Variants in FZR1 observed in about 807,000 individuals in gnomAD.
FZR1 encodes fizzy-related protein homolog.
A neutral mutation model predicts 63.6 loss-of-function variants in FZR1; 11 were observed. The observed-to-expected ratio is 0.17, with a 90% CI of 0.11 to 0.29. The LOEUF (loss-of-function observed/expected upper bound fraction) is 0.29, where lower values mean the gene tolerates loss of function less well. FZR1 is among the 10% of genes least tolerant of loss of function. The pLI, the probability that FZR1 is intolerant of heterozygous loss-of-function variation, is 1.00. For missense variants in FZR1, 440 were observed against 687.5 expected (o/e 0.64, Z 4.03); for synonymous variants, 328 against 297.9 (o/e 1.10, Z -1.04).
chr19:3,535,900 G>T lies in FZR1; in HGVS notation c.*1064G>T. 6.6e-6 allele frequency: 1 copy of T among 152,494 alleles called. No individual in the cohort carries two copies. The allele number at this position is 152,494 out of a possible 1,614,324, so 9.4% of individuals were successfully genotyped here. On this transcript the variant is annotated 3_prime_UTR_variant, in exon 14 of 14. Transcript: ENST00000441788. ...CTCCATCCTTCGAGAAGCTTCCCAG[G>T]CTCCTCTGCTTCTCTGTCTCATGCT...
At chr19:3,522,899 G>C (rs933887260) in intron 1 of FZR1, 57 bp from the exon 2 acceptor site, 7 of 887,242 alleles carry the variant, frequency 7.9e-6, no homozygotes, top group Non-Finnish European at 1.2e-5. Flanking sequence ...GGCGAGCCCC[G>C]TGGTCTCCGG....
At position 3,535,085 on chromosome 19, in the gene FZR1, C is replaced by T. The variant is rs1006610417; in HGVS notation, c.*249C>T. 1.4e-5 allele frequency: 8 copies of T among 567,616 alleles called. No homozygotes were observed. The highest frequency in any genetic ancestry group is 9.4e-5 in the African/African-American group (5 of 53,014). 35.2% of individuals were successfully genotyped at this position (567,616 alleles called of 1,614,324 possible). ...GGGCTCTGTCTCCCTTCCCAAAGGGCGAGAACCACATTGGACGGTCCCGGC... is the reference window on the plus strand; with the variant it reads ...GGGCTCTGTCTCCCTTCCCAAAGGGTGAGAACCACATTGGACGGTCCCGGC... On this transcript the variant is annotated 3_prime_UTR_variant, in exon 14 of 14. Coordinates refer to ENST00000441788, the MANE Select transcript of FZR1 (RefSeq NM_016263.4).
rs1179835930 is a variant in FZR1 at position 3,525,847 on chromosome 19, C to T, written c.70-21C>T. 40 of 1,607,618 alleles carry T rather than the reference C, an allele frequency of 2.5e-5. No homozygotes were observed. The highest frequency in any genetic ancestry group is 3.4e-5 in the Non-Finnish European group (40 of 1,179,414). On this transcript the variant is annotated intron_variant, in intron 2 of 13. Coordinates refer to ENST00000441788, the MANE Select transcript of FZR1 (RefSeq NM_016263.4). This position sits in a 1 kb window ranked among gnomAD's most constrained non-coding sequence, Gnocchi z 4.2. ...GGGGGCTCTCGGTGCTGAGAGCAAG[C>T]CCTCTGCTGATGCCCTTCAGGTCAC...
At position 3,515,210 on chromosome 19, in the gene FZR1, G is replaced by T. The variant is rs2083050299; in HGVS notation, c.-34-7746G>T. On this transcript the variant is annotated intron_variant, in intron 1 of 13. Coordinates refer to ENST00000441788, the MANE Select transcript of FZR1 (RefSeq NM_016263.4). This position sits in a 1 kb window ranked among gnomAD's most constrained non-coding sequence, Gnocchi z 4.6. ...CTCACTGATTCACTGCTGATGTGCA[G>T]CGAGGGTCCGGGTTGCTGCTAAACT... is the stretch of plus-strand genomic sequence containing the variant. 6.6e-6 allele frequency among the ~76,000 whole-genome samples: 1 copy of T among 152,238 alleles called. No homozygotes were observed. The highest frequency in any genetic ancestry group is 1.5e-5 in the Non-Finnish European group (1 of 68,036).
At chr19:3,522,887 C>A in intron 1 of FZR1, 69 bp from the exon 2 acceptor site, 1 of 804,608 alleles carries the variant, frequency 1.2e-6, no homozygotes, top group African/African-American at 1.7e-5. Flanking sequence ...CCTGGAGGTG[C>A]AGGCGAGCCC....
chr19:3,533,201 T>G lies in FZR1; in HGVS notation c.1243-93T>G, dbSNP rs769670700. 251 of 793,154 alleles carry G rather than the reference T, an allele frequency of 3.2e-4. No homozygotes were observed. The highest frequency in any genetic ancestry group is 4.8e-4 in the Non-Finnish European group (217 of 456,556). The allele number at this position is 793,154 out of a possible 1,614,324, so 49.1% of individuals were successfully genotyped here. A position where few individuals can be genotyped will look rare whatever the true frequency, so the allele number is the denominator to read the frequency against. On this transcript the variant is annotated intron_variant, in intron 11 of 13. Coordinates refer to ENST00000441788, the MANE Select transcript of FZR1 (RefSeq NM_016263.4). This position sits in a 1 kb window ranked among gnomAD's most constrained non-coding sequence, Gnocchi z 4.9. Reference sequence around the variant, plus strand: ...TGGGCTGGCTGGCGGCTCTGAGCTCTCACATGGGCTCAGGCGGGTGCATGT... The same window carrying G: ...TGGGCTGGCTGGCGGCTCTGAGCTCGCACATGGGCTCAGGCGGGTGCATGT...
At position 3,525,409 on chromosome 19, in the gene FZR1, T is replaced by C. The variant is rs2083143707; in HGVS notation, c.70-459T>C. ...GACCATGAGTGACCACGAGTGACTG[T>C]GTGGCTCCCCTCCTTGGGTTTTCTT... On this transcript the variant is annotated intron_variant, in intron 2 of 13. Transcript: ENST00000441788. The surrounding 1 kb of genome is among the most constrained non-coding windows in gnomAD (Gnocchi z 4.2). 6.7e-6 allele frequency among the ~76,000 whole-genome samples: 1 copy of C among 148,830 alleles called. No individual in the cohort carries two copies. Among genetic ancestry groups the C allele is most frequent in the South Asian group, 2.2e-4 (1 of 4,628 alleles).
intron 7 of FZR1, among the ~76,000 whole-genome samples, chr19:3,528,449 G>T (rs564520865): frequency 6.6e-6 from 1 of 152,230 alleles, no homozygotes; most frequent in Non-Finnish European, 1.5e-5. Flanking sequence ...GTCCTCTCCC[G>T]GCAGCAGGAG....
At chr19:3,518,281 C>A (rs772580862) in intron 1 of FZR1, among the ~76,000 whole-genome samples, 2 of 152,094 alleles carry the variant, frequency 1.3e-5, no homozygotes, top group Non-Finnish European at 2.9e-5. Context: ...CCCACAGTGC[C>A]TCTGTTTGTA....
rs139746882 is a variant in FZR1, at chr19:3,516,444, G to T, written c.-34-6512G>T. ...TGCCCTGCGGACTCCCAATTTTCCCGGTGTTGAATTCCACAGCCATGCCTC... is the reference window on the plus strand; with the variant it reads ...TGCCCTGCGGACTCCCAATTTTCCCTGTGTTGAATTCCACAGCCATGCCTC... On this transcript the variant is annotated intron_variant, in intron 1 of 13. Transcript: ENST00000441788. The surrounding 1 kb of genome is among the most constrained non-coding windows in gnomAD (Gnocchi z 6.0). Among the ~76,000 whole-genome samples, 598 of 152,306 alleles carry T rather than the reference G, an allele frequency of 3.9e-3. 3 individuals are homozygous for T. The highest frequency in any genetic ancestry group is 0.014 in the African/African-American group (574 of 41,566).
In FZR1 at chr19:3,534,785, G is replaced by T. The variant is rs948842298; in HGVS notation, c.1441-10G>T. 2 of 1,612,556 alleles carry T rather than the reference G, an allele frequency of 1.2e-6. No homozygotes were observed. Reference sequence around the variant, plus strand: ...GGCTCAGCGCATCTGCCATCCCCATGTGTCTGCAGGAGTCTGTGTCTGTGC... The same window carrying T: ...GGCTCAGCGCATCTGCCATCCCCATTTGTCTGCAGGAGTCTGTGTCTGTGC... On this transcript the variant is annotated splice_polypyrimidine_tract_variant and intron_variant, in intron 13 of 13. Transcript: ENST00000441788.
rs181863674 is a variant in FZR1 at position 3,537,298 on chromosome 19, C to G, written c.*2462C>G. On this transcript the variant is annotated 3_prime_UTR_variant, in exon 14 of 14. Transcript: ENST00000441788. ...CTCAGCAGCGCTGGGGCAGGTGCCTCTGCTGTCAGCTCCACCCGACAGGCA... is the reference window on the plus strand; with the variant it reads ...CTCAGCAGCGCTGGGGCAGGTGCCTGTGCTGTCAGCTCCACCCGACAGGCA... 1 of 152,398 alleles carries G rather than the reference C, an allele frequency of 6.6e-6. No homozygotes were observed. The highest frequency in any genetic ancestry group is 1.9e-4 in the East Asian group (1 of 5,170). The allele number at this position is 152,398 out of a possible 1,614,324, so 9.4% of individuals were successfully genotyped here.
At position 3,515,488 on chromosome 19, in the gene FZR1, G is replaced by T. The variant is rs948588846; in HGVS notation, c.-34-7468G>T. Among the ~76,000 whole-genome samples the T allele has an allele frequency of 7.2e-5, 11 of 152,136 alleles. No individual in the cohort carries two copies. Among genetic ancestry groups the T allele is most frequent in the Admixed American group, 7.2e-4 (11 of 15,262 alleles). On this transcript the variant is annotated intron_variant, in intron 1 of 13. Coordinates refer to ENST00000441788, the MANE Select transcript of FZR1 (RefSeq NM_016263.4). This position sits in a 1 kb window ranked among gnomAD's most constrained non-coding sequence, Gnocchi z 4.6. ...GTGATACAGAATTCTAGAAGTACAG[G>T]CCGGGCGCGGTGGCTCACGCTTGTA...
rs933588377 is a variant in FZR1 at position 3,521,959 on chromosome 19, C to T, written c.-34-997C>T. Reference sequence around the variant, plus strand: ...GCAGCCTCAAACTCCCAGCCTCAGGCGATCCTCCCACCTCAGCCTCCCAAG... The same window carrying T: ...GCAGCCTCAAACTCCCAGCCTCAGGTGATCCTCCCACCTCAGCCTCCCAAG... On this transcript the variant is annotated intron_variant, in intron 1 of 13. Transcript: ENST00000441788. Among the ~76,000 whole-genome samples, 6 of 151,524 alleles carry T rather than the reference C, an allele frequency of 4.0e-5. No individual in the cohort carries two copies. In the South Asian group the frequency reaches 8.3e-4, roughly 21 times the overall value.
rs144180379 is a variant in FZR1, at chr19:3,530,420, G to T, written c.655-372G>T. On this transcript the variant is annotated intron_variant, in intron 7 of 13. Coordinates refer to ENST00000441788, the MANE Select transcript of FZR1 (RefSeq NM_016263.4). The stretch of plus-strand genomic sequence containing the variant: ...AGCGGATGGGAGAGCGCATGGGAGA[G>T]CGCATGGGAGAGCGGATGGGAGAGC... Among the ~76,000 whole-genome samples the T allele has an allele frequency of 4.6e-3, 364 of 79,818 alleles. 5 individuals carry two copies. The highest frequency in any genetic ancestry group is 0.011 in the African/African-American group (344 of 30,528). The allele number at this position is 79,818 out of a possible 152,430, so 52.4% of individuals were successfully genotyped here.
At chr19:3,528,706 GGT>G (rs2083189729) in intron 7 of FZR1, among the ~76,000 whole-genome samples, 45 of 128,696 alleles carry the variant, frequency 3.5e-4, no homozygotes, top group Non-Finnish European at 3.9e-4. Context: ...AGAGTGGATG[GGT>G]GAGCAGATTA....
intron 7 of FZR1, among the ~76,000 whole-genome samples, chr19:3,528,504 T>C (rs563648851): frequency 4.0e-5 from 6 of 151,276 alleles, no homozygotes; most frequent in African/African-American, 1.5e-4. Context: ...GCTCGTCCCA[T>C]GCAGGCTCTC....
Position 3,535,149 on chromosome 19 carries a change from G to A in FZR1, c.*313G>A. On this transcript the variant is annotated 3_prime_UTR_variant, in exon 14 of 14. Transcript: ENST00000441788. Reference sequence around the variant, plus strand: ...ACTCAGAGCGACGGATGCCCCCTGGGACCCTCACTGCCTCCGTCTGTTCAT... The same window carrying A: ...ACTCAGAGCGACGGATGCCCCCTGGAACCCTCACTGCCTCCGTCTGTTCAT... The A allele has an allele frequency of 2.3e-6, 1 of 436,058 alleles. No homozygotes were observed. 27.0% of individuals were successfully genotyped at this position (436,058 alleles called of 1,614,324 possible).
Position 3,537,048 on chromosome 19 carries a change from A to AG in FZR1, c.*2215dup, listed in dbSNP as rs2030000999. On this transcript the variant is annotated 3_prime_UTR_variant, in exon 14 of 14. Coordinates refer to ENST00000441788, the MANE Select transcript of FZR1 (RefSeq NM_016263.4). ...AGGTGCTCGGTTGACACCATCAGGG[A>AG]GGGAGGGTGGGCACTGCTGGGCTGA... 1.1e-4 allele frequency: 3 copies of AG among 27,712 alleles called. No individual in the cohort carries two copies. Among genetic ancestry groups the AG allele is most frequent in the East Asian group, 7.4e-4 (1 of 1,350 alleles). The allele number at this position is 27,712 out of a possible 1,614,324, so 1.7% of individuals were successfully genotyped here. A position where few individuals can be genotyped will look rare whatever the true frequency, so the allele number is the denominator to read the frequency against.
Sources: gnomAD v4.1 joint callset for allele counts (sites outside exome capture counted in the v4.1 genomes callset) on GRCh38, gnomAD v4.1.1 for gene constraint, Gnocchi (gnomAD v3.1) non-coding constraint, MANE v1.5 for transcripts, NCBI Gene and HGNC (gene_info 2026-07-23, HGNC 2026-07-21) for gene names.